The following SLC25A26 variants were observed in gnomAD, a reference collection of about 807,000 sequenced individuals.
SLC25A26 encodes the protein solute carrier family 25 member 26.
A neutral mutation model predicts 37.8 loss-of-function variants in SLC25A26; 36 were observed. The observed-to-expected ratio is 0.95, with a 90% CI of 0.73 to 1.26. The LOEUF (loss-of-function observed/expected upper bound fraction) is 1.26, where lower values mean the gene tolerates loss of function less well. Among genes scored for constraint, SLC25A26 ranks in the 50% most tolerant of loss-of-function variants. The probability of loss-of-function intolerance (pLI) is 0.00; values close to 1 mark genes in which losing one functional copy is unlikely to be tolerated. For missense variants in SLC25A26, 390 were observed against 331.1 expected (o/e 1.18, Z -1.38); for synonymous variants, 129 against 122.5 (o/e 1.05, Z -0.35).
chr3:66,245,050 G>A (rs928747652), intron 3 of SLC25A26, among the ~76,000 whole-genome samples: 3 of 152,034 alleles, frequency 2.0e-5, no homozygotes, highest in Non-Finnish European at 2.9e-5. Context: ...ACTGTAAGTG[G>A]TAAGTGTAAG....
chr3:66,207,033 C>T (rs2071189785), intron 1 of SLC25A26, among the ~76,000 whole-genome samples: 1 of 151,734 alleles, frequency 6.6e-6, no homozygotes, highest in Non-Finnish European at 1.5e-5. Context: ...TGAGTCACCT[C>T]ACCTGGCCTA....
intron 6 of SLC25A26, among the ~76,000 whole-genome samples, chr3:66,356,352 C>T (rs576902076): frequency 1.8e-4 from 27 of 152,262 alleles, no homozygotes; most frequent in Admixed American, 6.5e-4. Context: ...TCATGCTATT[C>T]TTCCTCTGAT....
chr3:66,283,518 G>A (rs12493685), intron 5 of SLC25A26, among the ~76,000 whole-genome samples: 3,902 of 152,222 alleles, frequency 0.026, 248 homozygotes, highest in Admixed American at 0.14. Flanking sequence ...CTGGGCTCAA[G>A]CAGTCTGCCT....
chr3:66,147,553 G>C (rs2070138360), intron 1 of SLC25A26, among the ~76,000 whole-genome samples: 1 of 152,066 alleles, frequency 6.6e-6, no homozygotes, highest in East Asian at 1.9e-4. Flanking sequence ...AAATGTGTGT[G>C]CATGTGTCCT....
intron 3 of SLC25A26, among the ~76,000 whole-genome samples, chr3:66,245,315 AG>A (rs1351675838): frequency 6.6e-6 from 1 of 151,940 alleles, no homozygotes; most frequent in African/African-American, 2.4e-5. Context: ...TACAAATAAA[AG>A]TTTCTTCATT....
At chr3:66,360,236 G>A (rs1260594599) in intron 6 of SLC25A26, among the ~76,000 whole-genome samples, 1 of 152,118 alleles carries the variant, frequency 6.6e-6, no homozygotes, top group African/African-American at 2.4e-5. Flanking sequence ...TAGTTGCTGT[G>A]TATTTGATTA....
chr3:66,243,869 C>T (rs532250617), intron 3 of SLC25A26, among the ~76,000 whole-genome samples: 25 of 152,310 alleles, frequency 1.6e-4, no homozygotes, highest in African/African-American at 6.0e-4. Flanking sequence ...GGTTCTTTTC[C>T]ATCAGCTTCT....
chr3:66,299,299 T>A (rs920459773), intron 5 of SLC25A26, among the ~76,000 whole-genome samples: 6 of 152,176 alleles, frequency 3.9e-5, no homozygotes, highest in African/African-American at 9.6e-5. Context: ...TCCAAGCGAT[T>A]CTCATGTCTC....
At chr3:66,263,813 C>T (rs928500184) in intron 5 of SLC25A26, among the ~76,000 whole-genome samples, 3 of 152,062 alleles carry the variant, frequency 2.0e-5, no homozygotes, top group African/African-American at 7.2e-5. Flanking sequence ...TGCCCACCAG[C>T]ACGCCCAGTT....
intron 1 of SLC25A26, among the ~76,000 whole-genome samples, chr3:66,158,879 T>C (rs981355662): frequency 7.3e-5 from 11 of 151,588 alleles, no homozygotes; most frequent in African/African-American, 2.7e-4. Context: ...CTGCTAAGAG[T>C]CTGCACACAA....
At chr3:66,183,219 G>A (rs1559565708) in intron 1 of SLC25A26, among the ~76,000 whole-genome samples, 1 of 151,672 alleles carries the variant, frequency 6.6e-6, no homozygotes, top group Non-Finnish European at 1.5e-5. Flanking sequence ...TGAGCCTCCT[G>A]TTGAACCATA....
At chr3:66,154,866 C>G (rs937263372) in intron 1 of SLC25A26, among the ~76,000 whole-genome samples, 4 of 152,202 alleles carry the variant, frequency 2.6e-5, no homozygotes, top group Admixed American at 6.5e-5. Flanking sequence ...TATTCTAAAA[C>G]CAATCTCATG....
intron 1 of SLC25A26, among the ~76,000 whole-genome samples, chr3:66,212,849 C>T (rs1409660399): frequency 6.6e-6 from 1 of 152,160 alleles, no homozygotes; most frequent in South Asian, 2.1e-4. Context: ...CAATACTCTA[C>T]CATATGTATA....
At chr3:66,280,887 A>G (rs1482956056) in intron 5 of SLC25A26, among the ~76,000 whole-genome samples, 1 of 152,254 alleles carries the variant, frequency 6.6e-6, no homozygotes, top group Non-Finnish European at 1.5e-5. Context: ...ATGGAGTCCT[A>G]CTTCTCATAA....
chr3:66,309,508 A>T (rs569927527), intron 5 of SLC25A26, among the ~76,000 whole-genome samples: 1 of 151,630 alleles, frequency 6.6e-6, no homozygotes. Context: ...ATATCCTTCA[A>T]TTCTGCTCTG....
chr3:66,329,787 T>A (rs2075927524), intron 5 of SLC25A26, among the ~76,000 whole-genome samples: 1 of 152,206 alleles, frequency 6.6e-6, no homozygotes, highest in African/African-American at 2.4e-5. Context: ...TACCTCGAAC[T>A]CCTGGCCTCA....
chr3:66,237,510 A>G (rs1244279029), intron 2 of SLC25A26, among the ~76,000 whole-genome samples: 2 of 152,226 alleles, frequency 1.3e-5, no homozygotes, highest in Admixed American at 1.3e-4. Flanking sequence ...GGCATTACAC[A>G]TTTCTATCCT....
chr3:66,359,090 A>G (rs943854950), intron 6 of SLC25A26, among the ~76,000 whole-genome samples: 3 of 152,176 alleles, frequency 2.0e-5, no homozygotes, highest in African/African-American at 7.2e-5. Flanking sequence ...TTGTAGGCTC[A>G]TTATTCTGGC....
At chr3:66,206,502 G>A (rs1282616922) in intron 1 of SLC25A26, among the ~76,000 whole-genome samples, 1 of 152,114 alleles carries the variant, frequency 6.6e-6, no homozygotes, top group Non-Finnish European at 1.5e-5. Context: ...CTGTATAATT[G>A]GCATCCCTTG....
Sources: allele counts gnomAD v4.1 joint callset (sites outside exome capture counted in the v4.1 genomes callset), GRCh38; gene constraint gnomAD v4.1.1; transcripts MANE v1.5; gene names NCBI Gene and HGNC (gene_info 2026-07-23, HGNC 2026-07-21).